ACOT9: variants seen among roughly 807,000 people sequenced by gnomAD.
ACOT9 encodes the protein acyl-coenzyme A thioesterase 9, mitochondrial.
Under a neutral mutation model 39.7 loss-of-function variants are expected in ACOT9, and 34 were observed. The ratio of observed to expected loss-of-function variants is 0.86; its 90% CI spans 0.65 to 1.14. The LOEUF (loss-of-function observed/expected upper bound fraction) is 1.14. ACOT9 is among the 50% of genes most tolerant of loss of function. The probability of loss-of-function intolerance (pLI) is 0.00; values close to 1 mark genes in which losing one functional copy is unlikely to be tolerated. For synonymous variants in ACOT9, 110 were observed against 120.5 expected, an observed-to-expected ratio of 0.91 and a Z score of 0.57; for missense variants, 313 against 344.1, an observed-to-expected ratio of 0.91 and a Z score of 0.71.
intron 1 of ACOT9, among the ~76,000 whole-genome samples, chrX:23,739,228 G>A (rs761945559): frequency 3.3e-4 from 36 of 110,543 alleles, no homozygotes; most frequent in African/African-American, 1.1e-3. Flanking sequence ...ACTGCACAGC[G>A]AGACTCTGTC....
At chrX:23,721,363 G>A (rs1293965991) in intron 8 of ACOT9, among the ~76,000 whole-genome samples, 3 of 111,608 alleles carry the variant, frequency 2.7e-5, no homozygotes, top group African/African-American at 9.8e-5. Flanking sequence ...AACGTGGTGG[G>A]ATTACAGGCG....
In ACOT9 at chrX:23,707,948, A is replaced by T; in HGVS notation, c.663-4T>A. The T allele has an allele frequency of 2.5e-6, 3 of 1,187,873 alleles. No individual in the cohort carries two copies. Among genetic ancestry groups the T allele is most frequent in the Non-Finnish European group, 3.4e-6 (3 of 881,546 alleles). On this transcript the variant is annotated splice_region_variant and splice_polypyrimidine_tract_variant and intron_variant, in intron 9 of 15. Transcript: ENST00000379303. Reference sequence around the variant, plus strand: ...GAGTGGATTTACAAATGCCGGCCTAAAAAGAAGAAAAAAAAGAATATAATT... The same window carrying T: ...GAGTGGATTTACAAATGCCGGCCTATAAAGAAGAAAAAAAAGAATATAATT...
In ACOT9 at chrX:23,728,344, G is replaced by C. The variant is rs1929609880; in HGVS notation, c.400+2183C>G. ...GCACAATGAAGAGGGTGAGCCTGCA[G>C]AGGGGGACCTGGTGTGGGGTACCAG... is the stretch of plus-strand genomic sequence containing the variant. On this transcript the variant is annotated intron_variant, in intron 6 of 15. Transcript: ENST00000379303. Among the ~76,000 whole-genome samples, 12 of 110,678 alleles carry C rather than the reference G, an allele frequency of 1.1e-4. No homozygotes were observed. In the Admixed American group the frequency reaches 1.2e-3, roughly 11 times the overall value.
chrX:23,728,347 G>A (rs1275178331), intron 6 of ACOT9, among the ~76,000 whole-genome samples: 1 of 110,497 alleles, frequency 9.1e-6, no homozygotes, highest in Non-Finnish European at 1.9e-5. Flanking sequence ...GCCTGCAGAG[G>A]GGGACCTGGT....
chrX:23,741,607 T>C (rs1387512192), intron 1 of ACOT9, among the ~76,000 whole-genome samples: 1 of 112,200 alleles, frequency 8.9e-6, no homozygotes, highest in Non-Finnish European at 1.9e-5. Context: ...AAGAACCTAA[T>C]CATCTCAGTC....
rs149057992 is a variant in ACOT9 at position 23,725,067 on chromosome X, T to C, written c.401-2314A>G. Among the ~76,000 whole-genome samples, 783 of 111,570 alleles carry C rather than the reference T, an allele frequency of 7.0e-3. 7 individuals are homozygous for C. The highest frequency in any genetic ancestry group is 8.5e-3 in the Non-Finnish European group (451 of 53,172). On this transcript the variant is annotated intron_variant, in intron 6 of 15. Coordinates refer to ENST00000379303, the MANE Select transcript of ACOT9 (RefSeq NM_001037171.2). ...GAAACACTGGGAGTAGATGAGTTTA[T>C]AGAGAATCTGCAACGTCAACCCAAA...
At position 23,734,674 on chromosome X, in the gene ACOT9, CA is replaced by C. The variant is rs759242482; in HGVS notation, c.119-308del. 2.7e-5 allele frequency among the ~76,000 whole-genome samples: 3 copies of C among 111,606 alleles called. No individual in the cohort carries two copies. In the South Asian group the frequency reaches 1.1e-3, roughly 41 times the overall value. ...ATTACAACTAAATGTTAGAGAACTG[CA>C]AACAACAACCATTAGTAACTTAGTC... is the stretch of plus-strand genomic sequence containing the variant. On this transcript the variant is annotated intron_variant, in intron 2 of 15. Transcript: ENST00000379303.
At chrX:23,742,256 G>T (rs5925900) in intron 1 of ACOT9, among the ~76,000 whole-genome samples, 2 of 45,602 alleles carry the variant, frequency 4.4e-5, no homozygotes, top group African/African-American at 3.1e-4. Flanking sequence ...GAGAGAGAGA[G>T]ATATCCAGGA....
At position 23,706,842 on chromosome X, in the gene ACOT9, C is replaced by T. The variant is rs1351314230; in HGVS notation, c.731-103G>A. The T allele has an allele frequency of 2.1e-5, 10 of 466,832 alleles. No individual in the cohort carries two copies. In the African/African-American group the frequency reaches 2.5e-4, roughly 11 times the overall value. 38.5% of individuals were successfully genotyped at this position (466,832 alleles called of 1,213,427 possible). ...TCAAAATCTCACTGAAAATTATACA[C>T]GTATCCAAGAGAAAACTGCAGAGGC... is the stretch of plus-strand genomic sequence containing the variant. On this transcript the variant is annotated intron_variant, in intron 10 of 15. Transcript: ENST00000379303.
chrX:23,713,446 G>T (rs1928970451), intron 8 of ACOT9, among the ~76,000 whole-genome samples: 1 of 108,891 alleles, frequency 9.2e-6, no homozygotes, highest in Non-Finnish European at 1.9e-5. Context: ...GGGTGTGGTG[G>T]CGCATGCCTC....
At chrX:23,722,922 G>A (rs753004272) in intron 6 of ACOT9, among the ~76,000 whole-genome samples, 169 bp from the exon 7 acceptor site, 4 of 111,106 alleles carry the variant, frequency 3.6e-5, no homozygotes, top group Non-Finnish European at 7.5e-5. Flanking sequence ...TAAATTGAAG[G>A]ATTTGGGAGA....
Position 23,743,258 on chromosome X carries a change from A to T in ACOT9, c.-114T>A. ...ACCAGACCGCGCCCTTGCTGAGGAC[A>T]GCCCGGGAGCCGGACAGCGGTGTCC... On this transcript the variant is annotated 5_prime_UTR_variant, in exon 1 of 16. Coordinates refer to ENST00000379303, the MANE Select transcript of ACOT9 (RefSeq NM_001037171.2). 2.1e-6 allele frequency: 2 copies of T among 957,051 alleles called. No individual in the cohort carries two copies. Among genetic ancestry groups the T allele is most frequent in the Non-Finnish European group, 2.8e-6 (2 of 726,621 alleles). The allele number at this position is 957,051 out of a possible 1,213,427, so 78.9% of individuals were successfully genotyped here. A position where few individuals can be genotyped will look rare whatever the true frequency, so the allele number is the denominator to read the frequency against.
intron 3 of ACOT9, 127 bp from the exon 4 acceptor site, chrX:23,733,344 A>G: frequency 1.7e-6 from 1 of 574,374 alleles, no homozygotes; most frequent in Non-Finnish European, 2.8e-6. Context: ...ATAGATTTCC[A>G]TTTAATGCCA....
intron 9 of ACOT9, among the ~76,000 whole-genome samples, chrX:23,711,400 G>C (rs187218847): frequency 1.1e-4 from 12 of 111,879 alleles, no homozygotes; most frequent in Admixed American, 8.6e-4. Flanking sequence ...ACTGGGAAAA[G>C]CATGTCATCA....
At chrX:23,736,348 G>A (rs766745801) in intron 1 of ACOT9, among the ~76,000 whole-genome samples, 3 of 112,222 alleles carry the variant, frequency 2.7e-5, no homozygotes, top group Non-Finnish European at 5.6e-5. Context: ...GTAAACAACT[G>A]AGCAAACTCA....
chrX:23,723,805 C>A (rs1345706791), intron 6 of ACOT9, among the ~76,000 whole-genome samples: 1 of 110,886 alleles, frequency 9.0e-6, no homozygotes, highest in Admixed American at 9.8e-5. Flanking sequence ...CAATAAACTC[C>A]ATTTAAAAGT....
chrX:23,717,804 C>T (rs1324035768), intron 8 of ACOT9, among the ~76,000 whole-genome samples: 4 of 112,017 alleles, frequency 3.6e-5, no homozygotes, highest in South Asian at 3.7e-4. Flanking sequence ...ATATTATTGC[C>T]AGGCTGGGGG....
intron 1 of ACOT9, among the ~76,000 whole-genome samples, chrX:23,742,564 A>T (rs1920986942): frequency 9.0e-6 from 1 of 111,172 alleles, no homozygotes; most frequent in South Asian, 3.8e-4. Context: ...CCAGCCTCTT[A>T]TAAGGGCTTT....
Position 23,735,940 on chromosome X carries a change from CCT to C in ACOT9, c.95_96del (p.Gln32ArgfsTer7), listed in dbSNP as rs1159716023. The stretch of plus-strand genomic sequence containing the variant: ...TTGCCTTCATGAATGTGGAAGATTC[CCT>C]GTTTCTTGGGGTTCTGGGGTCCTTG... ...LTQGPQNPKK[Q>X]GIFHIHEACS... On this transcript the variant is annotated frameshift_variant, in exon 2 of 16. Transcript: ENST00000379303. LOFTEE classifies it high-confidence loss of function. The C allele has an allele frequency of 8.3e-7, 1 of 1,210,420 alleles. No homozygotes were observed. The highest frequency in any genetic ancestry group is 1.1e-6 in the Non-Finnish European group (1 of 894,869).
Sources: allele counts gnomAD v4.1 joint callset (sites outside exome capture counted in the v4.1 genomes callset), GRCh38; gene constraint gnomAD v4.1.1; transcripts MANE v1.5; gene names NCBI Gene and HGNC (gene_info 2026-07-23, HGNC 2026-07-21).